TNR: variants seen among roughly 807,000 people sequenced by gnomAD.
TNR encodes tenascin-R.
A neutral mutation model predicts 150.4 loss-of-function variants in TNR; 45 were observed. The ratio of observed to expected loss-of-function variants is 0.30; its 90% CI spans 0.24 to 0.38. The LOEUF is 0.38. TNR is among the 10% of genes least tolerant of loss of function. The probability of loss-of-function intolerance (pLI) is 1.00; values close to 1 mark genes in which losing one functional copy is unlikely to be tolerated. For synonymous variants in TNR, 687 were observed against 678.4 expected (o/e 1.01, Z -0.20); for missense variants, 1,544 against 1,759.1 (o/e 0.88, Z 2.19).
intron 2 of TNR, among the ~76,000 whole-genome samples, chr1:175,507,104 C>T (rs1469620862): frequency 4.6e-5 from 7 of 152,144 alleles, no homozygotes; most frequent in Non-Finnish European, 8.8e-5. Flanking sequence ...TTGCAAAGCC[C>T]TTGCCAGTGC....
At chr1:175,441,196 G>A (rs1285891484) in intron 2 of TNR, among the ~76,000 whole-genome samples, 2 of 152,140 alleles carry the variant, frequency 1.3e-5, no homozygotes, top group African/African-American at 4.8e-5. Flanking sequence ...TAAGTGAACT[G>A]CAGGTCTGCC....
At chr1:175,679,491 G>T (rs1160353982) in intron 1 of TNR, among the ~76,000 whole-genome samples, 1 of 152,212 alleles carries the variant, frequency 6.6e-6, no homozygotes, top group Non-Finnish European at 1.5e-5. Context: ...AGTTCAATTG[G>T]ATACGCAAAA....
intron 2 of TNR, among the ~76,000 whole-genome samples, chr1:175,445,136 G>A (rs1655982432): frequency 6.6e-6 from 1 of 152,118 alleles, no homozygotes; most frequent in African/African-American, 2.4e-5. Context: ...TAGGTGTGGT[G>A]GCAGGCACCT....
intron 1 of TNR, among the ~76,000 whole-genome samples, chr1:175,670,267 G>A (rs1558064448): frequency 6.6e-6 from 1 of 152,102 alleles, no homozygotes; most frequent in Non-Finnish European, 1.5e-5. Flanking sequence ...GCCCATTTGG[G>A]GATTTCAATC....
intron 1 of TNR, among the ~76,000 whole-genome samples, chr1:175,714,699 C>T (rs919977649): frequency 6.6e-5 from 10 of 152,180 alleles, no homozygotes; most frequent in South Asian, 2.1e-4. Flanking sequence ...AATCGATAGG[C>T]GCTTTAATTA....
At chr1:175,691,823 C>T (rs975229805) in intron 1 of TNR, among the ~76,000 whole-genome samples, 3 of 152,250 alleles carry the variant, frequency 2.0e-5, no homozygotes, top group Admixed American at 1.3e-4. Context: ...CCAAAACCAT[C>T]GTGTGATATT....
intron 8 of TNR, among the ~76,000 whole-genome samples, chr1:175,382,050 G>A (rs1283263341): frequency 6.6e-6 from 1 of 152,198 alleles, no homozygotes; most frequent in East Asian, 1.9e-4. Flanking sequence ...TTTTCAGAGA[G>A]GCCTTTTCAA....
chr1:175,627,498 AT>A (rs1664189813), intron 1 of TNR, among the ~76,000 whole-genome samples: 1 of 152,220 alleles, frequency 6.6e-6, no homozygotes, highest in Non-Finnish European at 1.5e-5. Flanking sequence ...AAATTCTATT[AT>A]TATATCAGTT....
At position 175,396,740 on chromosome 1, in the gene TNR, C is replaced by A. The variant is rs774479065; in HGVS notation, c.1044G>T (p.Gly348=). 1 of 1,614,216 alleles carries A rather than the reference C, an allele frequency of 6.2e-7. No homozygotes were observed. The highest frequency in any genetic ancestry group is 1.1e-5 in the South Asian group (1 of 91,084). The change falls in exon 5 of 23, where the codon GGG becomes GGT. Residue 348 remains glycine, a synonymous_variant. Coordinates refer to ENST00000367674, the MANE Select transcript of TNR (RefSeq NM_003285.3). The part of the protein sequence containing the change: ...SDRSIELEWD[G]PMAVTEYVIS... ...TCACATATTCCGTCACTGCCATCGG[C>A]CCGTCCCATTCCAGCTCAATGGACC...
chr1:175,346,888 G>GAAAAAAAAAAAAAAAAA (rs59468796), intron 18 of TNR, among the ~76,000 whole-genome samples: 1 of 125,090 alleles, frequency 8.0e-6, no homozygotes. Context: ...TTCCACAAAA[G>GAAAAAAAAAAAAAAAAA]AAAAAAAAAA....
chr1:175,341,799 A>G (rs1379120708), intron 18 of TNR, among the ~76,000 whole-genome samples: 1 of 152,204 alleles, frequency 6.6e-6, no homozygotes, highest in Non-Finnish European at 1.5e-5. Context: ...GTTGCGCCAT[A>G]GAAGTGCAGG....
intron 1 of TNR, among the ~76,000 whole-genome samples, chr1:175,634,002 TG>T (rs1664416757): frequency 1.3e-5 from 1 of 79,582 alleles, no homozygotes; most frequent in Non-Finnish European, 2.3e-5. Context: ...GGGATGATGA[TG>T]ATGATGATGA....
intron 1 of TNR, among the ~76,000 whole-genome samples, chr1:175,589,718 A>G (rs550818931): frequency 6.6e-6 from 1 of 152,244 alleles, no homozygotes; most frequent in East Asian, 1.9e-4. Flanking sequence ...GAAGCTAGAG[A>G]CCACCATTCT....
At chr1:175,504,306 A>G (rs116805658) in intron 2 of TNR, among the ~76,000 whole-genome samples, 1 of 152,192 alleles carries the variant, frequency 6.6e-6, no homozygotes, top group African/African-American at 2.4e-5. Context: ...CCCTTACAAT[A>G]CTGCAAGGTA....
chr1:175,393,310 T>C (rs962996085), intron 6 of TNR, among the ~76,000 whole-genome samples: 1 of 152,244 alleles, frequency 6.6e-6, no homozygotes. Flanking sequence ...TTTTGTTTTA[T>C]GTCTGTAACC....
chr1:175,578,800 G>A lies in TNR; in HGVS notation c.-164-50431C>T, dbSNP rs118109123. ...TGAGAGCCAGCCTGGCAATTAGTGT[G>A]TCATCCTGTAGCTGTGACGAAGGAG... On this transcript the variant is annotated intron_variant, in intron 1 of 22. Coordinates refer to ENST00000367674, the MANE Select transcript of TNR (RefSeq NM_003285.3). 1.7e-3 allele frequency among the ~76,000 whole-genome samples: 262 copies of A among 152,308 alleles called. 4 individuals are homozygous for A. In the East Asian group the frequency reaches 0.042, roughly 24 times the overall value.
intron 1 of TNR, among the ~76,000 whole-genome samples, chr1:175,649,693 C>T (rs1317280524): frequency 6.6e-6 from 1 of 152,190 alleles, no homozygotes; most frequent in Non-Finnish European, 1.5e-5. Flanking sequence ...TCCTCACACT[C>T]CCCTGAAGCT....
chr1:175,658,944 A>G (rs574673640), intron 1 of TNR, among the ~76,000 whole-genome samples: 1 of 152,344 alleles, frequency 6.6e-6, no homozygotes, highest in South Asian at 2.1e-4. Flanking sequence ...GAGTTGAGCT[A>G]GACCAGAGGA....
chr1:175,583,713 T>C (rs73050417), intron 1 of TNR, among the ~76,000 whole-genome samples: 30,775 of 152,150 alleles, frequency 0.2, 5,799 homozygotes, highest in African/African-American at 0.5. Context: ...CTCATTCCTG[T>C]AGCATTCAGG....
Sources: allele counts gnomAD v4.1 joint callset (sites outside exome capture counted in the v4.1 genomes callset), GRCh38; gene constraint gnomAD v4.1.1; transcripts MANE v1.5; gene names NCBI Gene and HGNC (gene_info 2026-07-23, HGNC 2026-07-21).